WWOX: variants seen among roughly 807,000 people sequenced by gnomAD.
WWOX encodes WW domain-containing oxidoreductase.
WWOX carries 69 observed loss-of-function variants against 46.2 expected under a neutral mutation model. The observed-to-expected ratio is 1.49, with a 90% CI of 1.23 to 1.82. WWOX has a LOEUF of 1.82. Among genes scored for constraint, WWOX ranks in the 40% most tolerant of loss-of-function variants. The pLI is 0.00. For missense variants in WWOX, 919 were observed against 542.6 expected (o/e 1.69, Z -6.89); for synonymous variants, 359 against 202.6 (o/e 1.77, Z -6.56).
intron 8 of WWOX, among the ~76,000 whole-genome samples, chr16:78,549,688 A>T (rs926768058): frequency 1.3e-5 from 2 of 152,204 alleles, no homozygotes; most frequent in East Asian, 1.9e-4. Context: ...ACTGAACAAC[A>T]TTAGCAAAAT....
intron 8 of WWOX, among the ~76,000 whole-genome samples, chr16:78,614,016 C>A (rs1229360681): frequency 6.6e-6 from 1 of 152,164 alleles, no homozygotes; most frequent in Non-Finnish European, 1.5e-5. Context: ...TAACCATATG[C>A]CCACAAAGCC....
Position 79,000,017 on chromosome 16 carries a change from C to T in WWOX, c.1057-211591C>T, listed in dbSNP as rs188665060. 5.3e-5 allele frequency among the ~76,000 whole-genome samples: 8 copies of T among 152,012 alleles called. No individual in the cohort carries two copies. In the East Asian group the frequency reaches 5.8e-4, roughly 11 times the overall value. ...ATCTATGATCTTAGATTTAGTAAAA[C>T]GCAGTATCTTCTTCCCCAGCTGAAA... On this transcript the variant is annotated intron_variant, in intron 8 of 8. Transcript: ENST00000566780.
At chr16:78,783,132 C>T (rs2050371797) in intron 8 of WWOX, among the ~76,000 whole-genome samples, 1 of 152,174 alleles carries the variant, frequency 6.6e-6, no homozygotes, top group East Asian at 1.9e-4. Context: ...AAAACCAAAA[C>T]AAAACAAAAG....
At chr16:79,094,705 A>G (rs1435107163) in intron 8 of WWOX, among the ~76,000 whole-genome samples, 1 of 152,186 alleles carries the variant, frequency 6.6e-6, no homozygotes, top group Non-Finnish European at 1.5e-5. Context: ...ATACATATAT[A>G]AACTTAGTGA....
At chr16:78,445,668 G>A (rs1428414268) in intron 8 of WWOX, among the ~76,000 whole-genome samples, 1 of 152,178 alleles carries the variant, frequency 6.6e-6, no homozygotes, top group African/African-American at 2.4e-5. Flanking sequence ...CTTGAGGCCG[G>A]GAGTTTGAAA....
At chr16:78,934,508 CA>C (rs760272326) in intron 8 of WWOX, among the ~76,000 whole-genome samples, 15,737 of 73,868 alleles carry the variant, frequency 0.21, 957 homozygotes, top group African/African-American at 0.27. Flanking sequence ...AACCCTGTAT[CA>C]AAAAAAAAAA....
At chr16:78,219,836 T>C (rs2036834681) in intron 5 of WWOX, among the ~76,000 whole-genome samples, 2 of 152,182 alleles carry the variant, frequency 1.3e-5, no homozygotes, top group African/African-American at 4.8e-5. Context: ...CCTGTTCTCT[T>C]GTTTTATCTT....
chr16:78,887,614 G>T (rs139329610), intron 8 of WWOX, among the ~76,000 whole-genome samples: 2 of 151,964 alleles, frequency 1.3e-5, no homozygotes, highest in East Asian at 1.9e-4. Context: ...AAATCCATCA[G>T]CCAATGTGTA....
chr16:78,640,294 A>T (rs150077849), intron 8 of WWOX, among the ~76,000 whole-genome samples: 2 of 122,132 alleles, frequency 1.6e-5, no homozygotes. Flanking sequence ...AATGGATACT[A>T]TTGAAGGAAT....
chr16:78,189,517 A>G (rs2035815033), intron 5 of WWOX, among the ~76,000 whole-genome samples: 1 of 152,250 alleles, frequency 6.6e-6, no homozygotes, highest in African/African-American at 2.4e-5. Flanking sequence ...AAGTGAAACC[A>G]CACAGAGGGC....
chr16:78,431,010 G>A (rs755802161), intron 7 of WWOX, among the ~76,000 whole-genome samples: 3 of 151,974 alleles, frequency 2.0e-5, no homozygotes, highest in Non-Finnish European at 4.4e-5. Context: ...TTCATTACCC[G>A]GTGCCCAGAA....
intron 8 of WWOX, among the ~76,000 whole-genome samples, chr16:79,040,338 G>A (rs553110415): frequency 6.0e-5 from 9 of 148,900 alleles, no homozygotes; most frequent in Non-Finnish European, 1.3e-4. Context: ...GCGGTGGTGC[G>A]ATCTCAGCTC....
intron 4 of WWOX, among the ~76,000 whole-genome samples, chr16:78,136,551 A>G (rs564924637): frequency 6.6e-6 from 1 of 152,330 alleles, no homozygotes; most frequent in African/African-American, 2.4e-5. Context: ...TCTGTTTATG[A>G]GTTTCAAACT....
intron 8 of WWOX, among the ~76,000 whole-genome samples, chr16:79,027,176 A>T (rs932088075): frequency 6.7e-6 from 1 of 149,788 alleles, no homozygotes; most frequent in Non-Finnish European, 1.5e-5. Context: ...GCTACTCAGG[A>T]GGCTGAAGTG....
chr16:78,543,208 C>A (rs1300376700), intron 8 of WWOX, among the ~76,000 whole-genome samples: 1 of 152,288 alleles, frequency 6.6e-6, no homozygotes, highest in African/African-American at 2.4e-5. Flanking sequence ...TTCTTGATCT[C>A]CAGTTAGGGC....
At chr16:78,130,539 A>G (rs562635758) in intron 4 of WWOX, among the ~76,000 whole-genome samples, 23 of 152,334 alleles carry the variant, frequency 1.5e-4, no homozygotes, top group African/African-American at 4.3e-4. Flanking sequence ...CAAGGAACAT[A>G]GTTGCACTGA....
At chr16:78,255,129 C>T (rs1167728265) in intron 5 of WWOX, among the ~76,000 whole-genome samples, 1 of 152,172 alleles carries the variant, frequency 6.6e-6, no homozygotes, top group African/African-American at 2.4e-5. Flanking sequence ...TTTTCCAAGG[C>T]CTCTGATTTT....
chr16:78,265,691 A>G (rs1235990992), intron 5 of WWOX, among the ~76,000 whole-genome samples: 2 of 147,652 alleles, frequency 1.4e-5, no homozygotes, highest in African/African-American at 4.9e-5. Context: ...AAAAAAAAAA[A>G]AACAACAAAA....
At chr16:78,361,804 G>C (rs1228166906) in intron 5 of WWOX, among the ~76,000 whole-genome samples, 3 of 151,950 alleles carry the variant, frequency 2.0e-5, no homozygotes, top group African/African-American at 4.8e-5. Flanking sequence ...TAGAGATGGG[G>C]TTTCACCACT....
Sources: allele counts gnomAD v4.1 joint callset (sites outside exome capture counted in the v4.1 genomes callset), GRCh38; gene constraint gnomAD v4.1.1; transcripts MANE v1.5; gene names NCBI Gene and HGNC (gene_info 2026-07-23, HGNC 2026-07-21).